GPC5: variants seen among roughly 807,000 people sequenced by gnomAD.
The protein encoded by GPC5 is glypican-5.
GPC5 carries 47 observed loss-of-function variants against 53.9 expected under a neutral mutation model. The observed-to-expected ratio is 0.87, with a 90% CI of 0.69 to 1.11. GPC5 has a LOEUF of 1.11. GPC5 is among the 50% of genes most tolerant of loss of function. GPC5 has a pLI of 0.00. For synonymous variants in GPC5, 286 were observed against 263.3 expected (o/e 1.09, Z -0.84); for missense variants, 748 against 713.1 (o/e 1.05, Z -0.56).
chr13:92,801,369 A>G (rs1876901060), intron 7 of GPC5, among the ~76,000 whole-genome samples: 1 of 151,776 alleles, frequency 6.6e-6, no homozygotes, highest in South Asian at 2.1e-4. Flanking sequence ...AGCACAGCAC[A>G]TTACCCATGT....
intron 7 of GPC5, among the ~76,000 whole-genome samples, chr13:92,372,236 G>A (rs746682073): frequency 6.6e-6 from 1 of 152,094 alleles, no homozygotes; most frequent in South Asian, 2.1e-4. Flanking sequence ...TAAATTTTTG[G>A]TAATTTGTTA....
intron 6 of GPC5, among the ~76,000 whole-genome samples, chr13:91,994,314 C>T (rs971652783): frequency 1.3e-5 from 2 of 152,172 alleles, no homozygotes; most frequent in Admixed American, 1.3e-4. Context: ...CATAATTGTG[C>T]CTGACACGTT....
chr13:91,880,103 G>A (rs2039247972), intron 5 of GPC5, among the ~76,000 whole-genome samples: 1 of 151,852 alleles, frequency 6.6e-6, no homozygotes, highest in South Asian at 2.1e-4. Flanking sequence ...ACTGGTTATA[G>A]GGACTTAAAA....
chr13:91,559,556 G>A (rs1201901660), intron 2 of GPC5, among the ~76,000 whole-genome samples: 1 of 152,142 alleles, frequency 6.6e-6, no homozygotes, highest in Non-Finnish European at 1.5e-5. Flanking sequence ...TTGAAAGTTA[G>A]GTTACTAATT....
At chr13:91,952,281 C>A (rs2040034348) in intron 6 of GPC5, among the ~76,000 whole-genome samples, 1 of 151,928 alleles carries the variant, frequency 6.6e-6, no homozygotes, top group African/African-American at 2.4e-5. Context: ...TTCTTCACAA[C>A]AAATATTCAT....
intron 7 of GPC5, among the ~76,000 whole-genome samples, chr13:92,679,769 G>C (rs1594414179): frequency 1.3e-5 from 2 of 151,898 alleles, no homozygotes; most frequent in Non-Finnish European, 2.9e-5. Context: ...CTTGGCCATT[G>C]GACCATATAT....
chr13:92,331,380 G>C (rs1347397786), intron 7 of GPC5, among the ~76,000 whole-genome samples: 1 of 152,018 alleles, frequency 6.6e-6, no homozygotes, highest in Non-Finnish European at 1.5e-5. Flanking sequence ...TTTGTCTCTG[G>C]ATCCTTTGTC....
chr13:92,213,474 T>G (rs2042389455), intron 7 of GPC5, among the ~76,000 whole-genome samples: 1 of 137,390 alleles, frequency 7.3e-6, no homozygotes, highest in African/African-American at 2.6e-5. Context: ...AAATGAGGCC[T>G]TATCTTGCTT....
At chr13:92,162,272 A>G (rs924225373) in intron 7 of GPC5, among the ~76,000 whole-genome samples, 1 of 152,040 alleles carries the variant, frequency 6.6e-6, no homozygotes, top group Non-Finnish European at 1.5e-5. Context: ...CCTTATCTCC[A>G]CATTCATACA....
At chr13:92,656,533 A>C (rs1886143490) in intron 7 of GPC5, among the ~76,000 whole-genome samples, 4 of 152,218 alleles carry the variant, frequency 2.6e-5, no homozygotes, top group Non-Finnish European at 5.9e-5. Context: ...AATGGGCTAC[A>C]TTCAAGGAAA....
At chr13:92,157,463 A>C (rs2041953218) in intron 7 of GPC5, among the ~76,000 whole-genome samples, 1 of 152,160 alleles carries the variant, frequency 6.6e-6, no homozygotes, top group Admixed American at 6.5e-5. Flanking sequence ...AGACTGGGAG[A>C]TAGGGGTTCT....
chr13:92,265,886 G>T (rs540669940), intron 7 of GPC5, among the ~76,000 whole-genome samples: 1 of 152,162 alleles, frequency 6.6e-6, no homozygotes, highest in South Asian at 2.1e-4. Flanking sequence ...CAAGATCAAG[G>T]GGCCAGCACC....
intron 2 of GPC5, among the ~76,000 whole-genome samples, chr13:91,623,703 G>A (rs188107125): frequency 5.6e-4 from 86 of 152,214 alleles, no homozygotes; most frequent in African/African-American, 2.0e-3. Context: ...AGGCTTCTGA[G>A]CCAACAATAC....
chr13:91,498,239 A>ATTTTTTTTTTTTT (rs60732957), intron 2 of GPC5, among the ~76,000 whole-genome samples: 4 of 110,232 alleles, frequency 3.6e-5, no homozygotes, highest in Admixed American at 1.0e-4. Flanking sequence ...CTACCCAAAG[A>ATTTTTTTTTTTTT]TTTTTTTTTT....
rs546587622 is a variant in GPC5, at chr13:91,510,700, C to T, written c.325+61778C>T. Among the ~76,000 whole-genome samples, 107 of 152,184 alleles carry T rather than the reference C, an allele frequency of 7.0e-4. 1 individual carries two copies. The highest frequency in any genetic ancestry group is 1.2e-3 in the Non-Finnish European group (80 of 68,000). On this transcript the variant is annotated intron_variant, in intron 2 of 7. Coordinates refer to ENST00000377067, the MANE Select transcript of GPC5 (RefSeq NM_004466.6). Reference sequence around the variant, plus strand: ...AATTTATATCCCACCAAGATTGTTCCACAGATTCCAGCTTCACTGTATCCC... The same window carrying T: ...AATTTATATCCCACCAAGATTGTTCTACAGATTCCAGCTTCACTGTATCCC...
chr13:92,312,594 G>T (rs1204628971), intron 7 of GPC5, among the ~76,000 whole-genome samples: 1 of 152,016 alleles, frequency 6.6e-6, no homozygotes, highest in African/African-American at 2.4e-5. Flanking sequence ...TTGATTAATA[G>T]TTGAATGAAA....
intron 7 of GPC5, among the ~76,000 whole-genome samples, chr13:92,839,414 G>A (rs1878342636): frequency 6.6e-6 from 1 of 152,090 alleles, no homozygotes; most frequent in South Asian, 2.1e-4. Flanking sequence ...ATTAAGCCTA[G>A]TATCCATTAG....
At chr13:92,230,311 C>T (rs540847168) in intron 7 of GPC5, among the ~76,000 whole-genome samples, 65 of 152,182 alleles carry the variant, frequency 4.3e-4, no homozygotes, top group African/African-American at 1.0e-3. Flanking sequence ...GCTAGAACTA[C>T]GATGCAATCT....
intron 7 of GPC5, among the ~76,000 whole-genome samples, chr13:92,516,797 G>A (rs1315836242): frequency 6.6e-6 from 1 of 152,142 alleles, no homozygotes; most frequent in African/African-American, 2.4e-5. Context: ...TGAGGTACCA[G>A]GTTCATCTCA....
Sources: gnomAD v4.1 joint callset for allele counts (sites outside exome capture counted in the v4.1 genomes callset) on GRCh38, gnomAD v4.1.1 for gene constraint, MANE v1.5 for transcripts, NCBI Gene and HGNC (gene_info 2026-07-23, HGNC 2026-07-21) for gene names.